The following SGTA variants were observed in gnomAD, a reference collection of about 807,000 sequenced individuals.
SGTA encodes small glutamine-rich tetratricopeptide repeat-containing protein alpha.
In SGTA, 22 loss-of-function variants were observed where a neutral mutation model predicts 44.3. The ratio of observed to expected loss-of-function variants is 0.50; its 90% CI spans 0.36 to 0.71. The LOEUF (loss-of-function observed/expected upper bound fraction) is 0.71. Ranked by LOEUF, SGTA falls within the 30% of genes least tolerant of loss-of-function variation. The pLI, the probability that SGTA is intolerant of heterozygous loss-of-function variation, is 0.00. For missense variants in SGTA, 341 were observed against 435.9 expected, an observed-to-expected ratio of 0.78 and a Z score of 1.94; for synonymous variants, 174 against 177.6, an observed-to-expected ratio of 0.98 and a Z score of 0.16.
At chr19:2,759,440 C>G in intron 8 of SGTA, 146 bp from the exon 9 acceptor site, 2 of 717,102 alleles carry the variant, frequency 2.8e-6, no homozygotes, top group South Asian at 3.4e-5. Context: ...TCTTTCATAC[C>G]CTTTTCCCTA....
intron 1 of SGTA, among the ~76,000 whole-genome samples, chr19:2,771,671 G>A (rs917966408): frequency 4.0e-5 from 6 of 151,442 alleles, no homozygotes; most frequent in African/African-American, 2.4e-5. Context: ...TGCACCCTCC[G>A]TGTCCAGATC....
In SGTA at chr19:2,767,761, G is replaced by A; in HGVS notation, c.101-75C>T. 5 of 1,146,408 alleles carry A rather than the reference G, an allele frequency of 4.4e-6. No homozygotes were observed. The highest frequency in any genetic ancestry group is 1.3e-5 in the South Asian group (1 of 79,398). 71.0% of individuals were successfully genotyped at this position (1,146,408 alleles called of 1,614,324 possible). On this transcript the variant is annotated intron_variant, in intron 2 of 11. Transcript: ENST00000221566. The surrounding 1 kb of genome is among the most constrained non-coding windows in gnomAD (Gnocchi z 7.3). ...TACGTTTTTGGGTCTAGAGGGCGGG[G>A]TTGGTGCTCATGCTTCCCCAGGTGT...
Position 2,762,586 on chromosome 19 carries a change from G to C in SGTA, c.556C>G (p.Leu186Val). ...VEAVAYYKKA[L>V]ELDPDNETYK... ...GTCTCGTTGTCGGGGTCCAGCTCCA[G>C]AGCCTTCTTGTAGTAAGCCACGGCC... The change falls in exon 7 of 12, where the codon CTG (leucine) becomes GTG (valine). Residue 186 changes from leucine (L) to valine (V), a missense_variant. By Grantham distance (32) the Leu-to-Val change is conservative. Transcript: ENST00000221566. The C allele has an allele frequency of 6.2e-7, 1 of 1,614,112 alleles. No individual in the cohort carries two copies. The highest frequency in any genetic ancestry group is 1.3e-5 in the African/African-American group (1 of 75,048).
At chr19:2,773,858 CACCGAGGGCAGAGG>C (rs1334611125) in intron 1 of SGTA, among the ~76,000 whole-genome samples, 980 of 79,938 alleles carry the variant, frequency 0.012, 223 homozygotes, top group East Asian at 0.083. Flanking sequence ...ACGGCAGGGA[CACCGAGGGCAGAGG>C]TGGGTGACAC....
intron 11 of SGTA, among the ~76,000 whole-genome samples, chr19:2,756,403 A>T (rs1448455531): frequency 6.6e-6 from 1 of 150,866 alleles, no homozygotes; most frequent in Admixed American, 6.6e-5. Flanking sequence ...CTGCAGTGAG[A>T]CGTGACTGCA....
chr19:2,764,825 C>CCAAA (rs1915095231), intron 5 of SGTA, among the ~76,000 whole-genome samples: 1 of 152,166 alleles, frequency 6.6e-6, no homozygotes, highest in African/African-American at 2.4e-5. Context: ...CCTCAGCCTC[C>CCAAA]CAAAGTGCTG....
intron 2 of SGTA, among the ~76,000 whole-genome samples, chr19:2,768,190 C>T (rs999335423): frequency 7.2e-5 from 11 of 152,170 alleles, no homozygotes; most frequent in Admixed American, 6.5e-5. Flanking sequence ...TCTCTGCTGG[C>T]CCACCTGACA....
At chr19:2,757,555 C>A in intron 10 of SGTA, 98 bp from the exon 11 acceptor site, 1 of 1,510,476 alleles carries the variant, frequency 6.6e-7, no homozygotes, top group Non-Finnish European at 8.8e-7. Context: ...ACCCCAAAGA[C>A]AGGCCTGACC....
chr19:2,775,958 C>T (rs2144739687), intron 1 of SGTA, among the ~76,000 whole-genome samples: 1 of 152,300 alleles, frequency 6.6e-6, no homozygotes, highest in South Asian at 2.1e-4. Context: ...TTTCCGCCCC[C>T]ATCTCAGGAC....
In SGTA at chr19:2,757,337, G is replaced by T; in HGVS notation, c.*6C>A. 1.9e-6 allele frequency: 3 copies of T among 1,600,638 alleles called. No homozygotes were observed. The highest frequency in any genetic ancestry group is 2.5e-6 in the Non-Finnish European group (3 of 1,179,666). ...CCAGCCCCCGGCCCCATGCACTCACGCAGCGTCACTCCTGCTGGTCGTCGT... is the reference window on the plus strand; with the variant it reads ...CCAGCCCCCGGCCCCATGCACTCACTCAGCGTCACTCCTGCTGGTCGTCGT... On this transcript the variant is annotated splice_region_variant and 3_prime_UTR_variant, in exon 11 of 12. Transcript: ENST00000221566.
At chr19:2,772,581 A>G (rs1276712199) in intron 1 of SGTA, among the ~76,000 whole-genome samples, 1 of 152,222 alleles carries the variant, frequency 6.6e-6, no homozygotes, top group Non-Finnish European at 1.5e-5. Flanking sequence ...TGAAGTCCTA[A>G]CTGCCAGGAC....
intron 9 of SGTA, among the ~76,000 whole-genome samples, chr19:2,758,000 C>T (rs2144718572): frequency 6.6e-6 from 1 of 152,322 alleles, no homozygotes; most frequent in Middle Eastern, 3.4e-3. Flanking sequence ...GCCTAAAGAG[C>T]GTAGTTCTCA....
intron 10 of SGTA, 78 bp from the exon 11 acceptor site, chr19:2,757,535 C>T (rs1035363349): frequency 1.5e-5 from 24 of 1,549,234 alleles, no homozygotes; most frequent in South Asian, 7.0e-5. Context: ...GCTGACCCCT[C>T]GGGCCCTCCA....
At chr19:2,779,737 C>G (rs1449081595) in intron 1 of SGTA, among the ~76,000 whole-genome samples, 4 of 152,200 alleles carry the variant, frequency 2.6e-5, no homozygotes, top group Admixed American at 1.3e-4. Context: ...GACTCCACAT[C>G]CCACCTTTTC....
chr19:2,783,015 C>T (rs190065351), intron 1 of SGTA, among the ~76,000 whole-genome samples: 28 of 152,354 alleles, frequency 1.8e-4, no homozygotes, highest in African/African-American at 6.0e-4. Flanking sequence ...ACCAGCATTT[C>T]CAGGACCTGG....
At chr19:2,776,775 C>T (rs1319039085) in intron 1 of SGTA, among the ~76,000 whole-genome samples, 1 of 152,144 alleles carries the variant, frequency 6.6e-6, no homozygotes, top group Non-Finnish European at 1.5e-5. Flanking sequence ...TTGAGACCAA[C>T]ATGGTGAAAC....
Position 2,761,586 on chromosome 19 carries a change from G to A in SGTA, c.637-64C>T, listed in dbSNP as rs1464956370. ...CAGAGGCCACGGTGAATAACCCCCT[G>A]GAACTCAGAAACAACGGCCCCCCAC... On this transcript the variant is annotated intron_variant, in intron 7 of 11. Coordinates refer to ENST00000221566, the MANE Select transcript of SGTA (RefSeq NM_003021.4). The surrounding 1 kb of genome is among the most constrained non-coding windows in gnomAD (Gnocchi z 5.7). 6 of 1,363,102 alleles carry A rather than the reference G, an allele frequency of 4.4e-6. No homozygotes were observed. The highest frequency in any genetic ancestry group is 1.2e-5 in the South Asian group (1 of 80,652). 84.4% of individuals were successfully genotyped at this position (1,363,102 alleles called of 1,614,324 possible). A position where few individuals can be genotyped will look rare whatever the true frequency, so the allele number is the denominator to read the frequency against.
At chr19:2,762,439 G>C in intron 7 of SGTA, 67 bp downstream of exon 7, 14 of 1,562,398 alleles carry the variant, frequency 9.0e-6, no homozygotes, top group Non-Finnish European at 1.2e-5. Flanking sequence ...TGGTGCGCCC[G>C]AGGACCTGTC....
intron 1 of SGTA, among the ~76,000 whole-genome samples, chr19:2,779,851 T>C (rs1915531166): frequency 6.6e-6 from 1 of 152,028 alleles, no homozygotes; most frequent in Admixed American, 6.5e-5. Flanking sequence ...GGTGGGAGAA[T>C]CGCTTGAGTC....
Sources: allele counts gnomAD v4.1 joint callset (sites outside exome capture counted in the v4.1 genomes callset), GRCh38; gene constraint gnomAD v4.1.1; non-coding constraint Gnocchi (gnomAD v3.1); transcripts MANE v1.5; gene names NCBI Gene and HGNC (gene_info 2026-07-23, HGNC 2026-07-21).